TENM1: variants seen among roughly 807,000 people sequenced by gnomAD.
TENM1 encodes teneurin-1.
Under a neutral mutation model 174.8 loss-of-function variants are expected in TENM1, and 35 were observed. That is an observed-to-expected ratio of 0.20 (90% CI 0.15 to 0.27). The LOEUF is 0.27. Ranked by LOEUF, TENM1 falls within the 10% of genes least tolerant of loss-of-function variation. The probability of loss-of-function intolerance (pLI) is 1.00; values close to 1 mark genes in which losing one functional copy is unlikely to be tolerated. For missense variants in TENM1, 1,633 were observed against 2,130.1 expected (o/e 0.77, Z 4.59); for synonymous variants, 781 against 798.7 (o/e 0.98, Z 0.37).
At chrX:125,042,634 G>A in the TENM1 span, among the ~76,000 whole-genome samples, 1 of 111,426 alleles carries the variant, frequency 9.0e-6, no homozygotes, top group African/African-American at 3.3e-5. Context: ...TCTATAGAAG[G>A]AATTTCAGCC....
At chrX:125,169,193 G>A in the TENM1 span, among the ~76,000 whole-genome samples, 1 of 111,170 alleles carries the variant, frequency 9.0e-6, no homozygotes, top group Non-Finnish European at 1.9e-5. Context: ...CGCTAAAGCT[G>A]TTTACTACTG....
chrX:124,432,814 C>T (rs997639386), intron 23 of TENM1, among the ~76,000 whole-genome samples: 2 of 111,901 alleles, frequency 1.8e-5, no homozygotes, highest in South Asian at 7.5e-4. Flanking sequence ...AGTGAAGTTC[C>T]AGGCAATAAT....
chrX:124,639,811 T>C (rs2050967655), intron 11 of TENM1, among the ~76,000 whole-genome samples: 1 of 111,778 alleles, frequency 8.9e-6, no homozygotes, highest in Admixed American at 9.5e-5. Context: ...CATGATAGTG[T>C]ATCTGAAACA....
At chrX:124,576,995 T>C (rs747186356) in intron 11 of TENM1, among the ~76,000 whole-genome samples, 15 of 112,169 alleles carry the variant, frequency 1.3e-4, no homozygotes, top group Non-Finnish European at 2.4e-4. Flanking sequence ...GCAAATCTGA[T>C]AGCATACTTC....
the TENM1 span, among the ~76,000 whole-genome samples, chrX:125,198,784 A>G: frequency 9.0e-6 from 1 of 110,939 alleles, no homozygotes; most frequent in Non-Finnish European, 1.9e-5. Context: ...AATCAGTGGA[A>G]AATGAGGTAC....
At chrX:124,610,910 G>T (rs2050263518) in intron 11 of TENM1, among the ~76,000 whole-genome samples, 1 of 111,532 alleles carries the variant, frequency 9.0e-6, no homozygotes, top group Non-Finnish European at 1.9e-5. Flanking sequence ...GAGGCTCAAA[G>T]AAATGAGGGA....
At chrX:124,660,159 G>T (rs1050333473) in intron 6 of TENM1, among the ~76,000 whole-genome samples, 16 of 110,665 alleles carry the variant, frequency 1.4e-4, no homozygotes, top group Admixed American at 1.4e-3. Context: ...TGGATCACGA[G>T]GTCAGGAGAT....
At chrX:125,080,991 C>A in the TENM1 span, among the ~76,000 whole-genome samples, 13 of 111,034 alleles carry the variant, frequency 1.2e-4, no homozygotes, top group Admixed American at 1.3e-3. Flanking sequence ...TTGTTTTGTT[C>A]TTTACAAAGC....
At chrX:124,957,833 A>T (rs748172705) in intron 1 of TENM1, among the ~76,000 whole-genome samples, 1 of 111,710 alleles carries the variant, frequency 9.0e-6, no homozygotes, top group East Asian at 2.8e-4. Context: ...CCTCCTTTTT[A>T]TGCATGGATG....
Position 124,903,634 on chromosome X carries a change from C to T in TENM1, c.218-7393G>A, listed in dbSNP as rs753683255. 1.2e-4 allele frequency among the ~76,000 whole-genome samples: 13 copies of T among 112,083 alleles called. No individual in the cohort carries two copies. In the South Asian group the frequency reaches 2.6e-3, roughly 22 times the overall value. On this transcript the variant is annotated intron_variant, in intron 1 of 31. Coordinates refer to ENST00000422452, the Ensembl canonical transcript of TENM1. ...AGACTGTATTCACATAAGATGGGAG[C>T]ACTTGTTTTGAAGCTAACTCAGCAG...
At chrX:124,384,160 A>G (rs2060192994) in exon 30 of TENM1, 3 of 1,211,544 alleles carry the variant, frequency 2.5e-6, no homozygotes, top group Non-Finnish European at 3.4e-6. Flanking sequence ...CAAGCCCATC[A>G]TAGTAATACT....
chrX:124,619,366 A>G (rs1482649838), intron 11 of TENM1, among the ~76,000 whole-genome samples: 1 of 112,102 alleles, frequency 8.9e-6, no homozygotes, highest in Admixed American at 9.5e-5. Context: ...TTTTTCTAGA[A>G]CTGGGAAATA....
chrX:124,694,374 G>A (rs777092941), intron 5 of TENM1, among the ~76,000 whole-genome samples: 8 of 111,829 alleles, frequency 7.2e-5, no homozygotes, highest in African/African-American at 1.6e-4. Flanking sequence ...ATGGGCTACA[G>A]AGACAACTCT....
chrX:125,143,999 G>A, the TENM1 span, among the ~76,000 whole-genome samples: 1 of 111,707 alleles, frequency 9.0e-6, no homozygotes, highest in Non-Finnish European at 1.9e-5. Context: ...GTTTTGAATG[G>A]TTTTGTTCCC....
the TENM1 span, among the ~76,000 whole-genome samples, chrX:125,162,532 C>G: frequency 8.9e-6 from 1 of 112,123 alleles, no homozygotes; most frequent in African/African-American, 3.2e-5. Context: ...CTCCACATCT[C>G]TTGATTCTCT....
At chrX:124,733,873 T>G (rs1350191303) in intron 4 of TENM1, among the ~76,000 whole-genome samples, 3 of 111,469 alleles carry the variant, frequency 2.7e-5, no homozygotes, top group African/African-American at 9.8e-5. Flanking sequence ...AAGAATAATT[T>G]TCTCTCTCCA....
At chrX:124,869,986 G>A (rs1027161083) in intron 3 of TENM1, among the ~76,000 whole-genome samples, 6 of 111,360 alleles carry the variant, frequency 5.4e-5, no homozygotes, top group African/African-American at 2.0e-4. Context: ...TAATTGGAGT[G>A]TTTGTAACTC....
intron 3 of TENM1, among the ~76,000 whole-genome samples, chrX:124,778,047 G>C (rs1004941995): frequency 8.8e-6 from 1 of 113,196 alleles, no homozygotes; most frequent in East Asian, 2.8e-4. Context: ...CTCTTGTACT[G>C]TCTTGGTTTT....
At chrX:124,491,100 G>A (rs1212508890) in intron 20 of TENM1, among the ~76,000 whole-genome samples, 1 of 112,195 alleles carries the variant, frequency 8.9e-6, no homozygotes, top group Admixed American at 9.5e-5. Context: ...CTTCTGTACT[G>A]TTTTAGATGC....
Sources: allele counts gnomAD v4.1 joint callset (sites outside exome capture counted in the v4.1 genomes callset), GRCh38; gene constraint gnomAD v4.1.1; transcripts MANE v1.5; gene names NCBI Gene and HGNC (gene_info 2026-07-23, HGNC 2026-07-21).